Variants in SRGAP2B observed in about 807,000 individuals in gnomAD.
SRGAP2B encodes SLIT-ROBO Rho GTPase activating protein 2B.
In SRGAP2B, 9 loss-of-function variants were observed where a neutral mutation model predicts 22.2. The observed-to-expected ratio is 0.41, with a 90% CI of 0.24 to 0.71. The LOEUF (loss-of-function observed/expected upper bound fraction) is 0.71. SRGAP2B is among the 30% of genes least tolerant of loss of function. The pLI is 0.35. For synonymous variants in SRGAP2B, 36 were observed against 87.4 expected (o/e 0.41, Z 3.28); for missense variants, 114 against 235.8 (o/e 0.48, Z 3.38).
intron 2 of SRGAP2B, among the ~76,000 whole-genome samples, chr1:145,090,516 CATTTAAAGCACTTGGG>C (rs1653886929): frequency 6.7e-6 from 1 of 149,364 alleles, no homozygotes; most frequent in Non-Finnish European, 1.5e-5. Flanking sequence ...CCAGACCATT[CATTTAAAGCACTTGGG>C]ATGGACTGGA....
intron 4 of SRGAP2B, among the ~76,000 whole-genome samples, chr1:144,950,996 T>C (rs1570823376): frequency 6.7e-6 from 1 of 149,230 alleles, no homozygotes; most frequent in Non-Finnish European, 1.5e-5. Flanking sequence ...TTACAGGCAC[T>C]GGCCATCTTG....
intron 4 of SRGAP2B, among the ~76,000 whole-genome samples, chr1:144,922,575 G>C (rs1428175219): frequency 2.7e-5 from 4 of 150,780 alleles, no homozygotes; most frequent in African/African-American, 9.9e-5. Context: ...GATAAAAAGT[G>C]CTTAGCAGAA....
At chr1:144,985,546 T>C (rs587737831) in intron 3 of SRGAP2B, among the ~76,000 whole-genome samples, 1 of 148,852 alleles carries the variant, frequency 6.7e-6, no homozygotes, top group African/African-American at 2.5e-5. Flanking sequence ...TCAATTAGAG[T>C]CCTGCTGGGC....
At chr1:144,984,699 T>G (rs1553615638) in intron 3 of SRGAP2B, among the ~76,000 whole-genome samples, 1 of 149,234 alleles carries the variant, frequency 6.7e-6, no homozygotes, top group Non-Finnish European at 1.5e-5. Flanking sequence ...TAGATCCTTA[T>G]GATCTACTGC....
chr1:144,987,085 A>G (rs587720505), intron 3 of SRGAP2B, among the ~76,000 whole-genome samples: 8 of 152,150 alleles, frequency 5.3e-5, no homozygotes, highest in African/African-American at 1.9e-4. Flanking sequence ...TGACCTCCCT[A>G]AAGCCCTCTC....
intron 2 of SRGAP2B, among the ~76,000 whole-genome samples, chr1:145,068,090 C>A (rs1350353093): frequency 4.4e-5 from 2 of 45,150 alleles, no homozygotes; most frequent in Non-Finnish European, 7.8e-5. Flanking sequence ...GTAGTCCCAG[C>A]TACTTGGGAG....
chr1:144,928,949 T>C (rs1453318881), intron 4 of SRGAP2B, among the ~76,000 whole-genome samples: 1 of 149,084 alleles, frequency 6.7e-6, no homozygotes, highest in South Asian at 2.1e-4. Flanking sequence ...GATTCCTCCA[T>C]ACCCTCTCCA....
At chr1:144,979,688 T>G (rs1669172450) in intron 3 of SRGAP2B, among the ~76,000 whole-genome samples, 1 of 150,452 alleles carries the variant, frequency 6.6e-6, no homozygotes, top group Admixed American at 6.6e-5. Flanking sequence ...TCATGCTCAC[T>G]TAGTTCACGA....
intron 3 of SRGAP2B, among the ~76,000 whole-genome samples, chr1:144,958,372 G>A (rs1667430488): frequency 6.6e-6 from 1 of 150,634 alleles, no homozygotes; most frequent in South Asian, 2.1e-4. Flanking sequence ...AAGTTTTATT[G>A]AGAACTTGTA....
intron 4 of SRGAP2B, among the ~76,000 whole-genome samples, chr1:144,939,802 C>G (rs1383134552): frequency 2.1e-5 from 3 of 145,756 alleles, no homozygotes; most frequent in East Asian, 4.0e-4. Context: ...AAAGAGAATG[C>G]TTTTTCTACT....
chr1:145,073,039 A>T (rs1429785501), intron 2 of SRGAP2B, among the ~76,000 whole-genome samples: 1 of 147,852 alleles, frequency 6.8e-6, no homozygotes, highest in African/African-American at 2.6e-5. Flanking sequence ...GCAGCTCAGA[A>T]CTCCAGTTTT....
At chr1:144,908,313 A>C (rs1663136763) in intron 5 of SRGAP2B, among the ~76,000 whole-genome samples, 1 of 150,386 alleles carries the variant, frequency 6.6e-6, no homozygotes, top group African/African-American at 2.5e-5. Context: ...TAGCACTACC[A>C]AGTCAACAAA....
chr1:145,024,887 GA>G (rs1647550465), intron 2 of SRGAP2B, among the ~76,000 whole-genome samples: 1 of 147,190 alleles, frequency 6.8e-6, no homozygotes, highest in Non-Finnish European at 1.5e-5. Flanking sequence ...GGGAACAAGG[GA>G]AGTCTGCAAA....
rs1228139408 is a variant in SRGAP2B, at chr1:144,955,421, G to A, written c.423+18C>T. On this transcript the variant is annotated intron_variant, in intron 4 of 9. Coordinates refer to ENST00000612199, the Ensembl canonical transcript of SRGAP2B. The stretch of plus-strand genomic sequence containing the variant: ...CATTGCTCCACCCAAGAACCTCTGT[G>A]AAGAAATATCTCTGTACCTTTTTAA... 8 of 1,601,152 alleles carry A rather than the reference G, an allele frequency of 5.0e-6. No homozygotes were observed. The highest frequency in any genetic ancestry group is 6.8e-6 in the Non-Finnish European group (8 of 1,173,520).
chr1:144,929,364 G>A (rs1665011058), intron 4 of SRGAP2B, among the ~76,000 whole-genome samples: 1 of 149,688 alleles, frequency 6.7e-6, no homozygotes, highest in East Asian at 1.9e-4. Context: ...GGTGTCATAT[G>A]TAAGAAATCA....
At chr1:145,044,674 A>C (rs1558850337) in intron 2 of SRGAP2B, among the ~76,000 whole-genome samples, 103 of 108,074 alleles carry the variant, frequency 9.5e-4, no homozygotes, top group African/African-American at 2.6e-3. Flanking sequence ...AAAAAAAAAA[A>C]AAAAAAAAAA....
rs1253420416 is a variant in SRGAP2B at position 145,044,698 on chromosome 1, A to C, written c.67+48137T>G. On this transcript the variant is annotated intron_variant, in intron 2 of 9. Transcript: ENST00000612199. ...AAAAAAAAAAAAAAAAAAAAAAAAA[A>C]AACAGAAAAAGCAAGACAAGACAGA... 1.2e-4 allele frequency among the ~76,000 whole-genome samples: 15 copies of C among 128,380 alleles called. No homozygotes were observed. The East Asian group carries it at 1.6e-3, about 14-fold the overall frequency. The allele number at this position is 128,380 out of a possible 152,430, so 84.2% of individuals were successfully genotyped here.
chr1:144,905,558 AC>A (rs1662925621), intron 6 of SRGAP2B, among the ~76,000 whole-genome samples: 1 of 147,998 alleles, frequency 6.8e-6, no homozygotes, highest in Non-Finnish European at 1.5e-5. Context: ...GTTTACAGTC[AC>A]CCCCAACCCC....
intron 4 of SRGAP2B, among the ~76,000 whole-genome samples, chr1:144,939,598 A>G (rs1665877475): frequency 6.9e-6 from 1 of 145,508 alleles, no homozygotes; most frequent in Non-Finnish European, 1.5e-5. Context: ...TTGAATACCG[A>G]GCAATTACAG....
Sources: gnomAD v4.1 joint callset for allele counts (sites outside exome capture counted in the v4.1 genomes callset) on GRCh38, gnomAD v4.1.1 for gene constraint, MANE v1.5 for transcripts, NCBI Gene and HGNC (gene_info 2026-07-23, HGNC 2026-07-21) for gene names.